Variants in SH3BP5 observed in about 807,000 individuals in gnomAD.
The protein encoded by SH3BP5 is SH3 domain binding protein 5.
SH3BP5 carries 22 observed loss-of-function variants against 43.3 expected under a neutral mutation model. That is an observed-to-expected ratio of 0.51 (90% confidence interval 0.36 to 0.73). The LOEUF is 0.73. SH3BP5 is among the 30% of genes least tolerant of loss of function. SH3BP5 has a pLI of 0.00. For missense variants in SH3BP5, 529 were observed against 586.9 expected (o/e 0.90, Z 1.02); for synonymous variants, 255 against 225.8 (o/e 1.13, Z -1.16).
intron 2 of SH3BP5, among the ~76,000 whole-genome samples, chr3:15,306,200 C>CA (rs71045149): frequency 0.2 from 29,698 of 151,182 alleles, 3,086 homozygotes; most frequent in African/African-American, 0.27. Context: ...ACTAAAAATA[C>CA]AAAAAAAAAT....
intron 3 of SH3BP5, among the ~76,000 whole-genome samples, chr3:15,278,035 G>C (rs1697020366): frequency 1.3e-5 from 2 of 152,222 alleles, no homozygotes; most frequent in Admixed American, 1.3e-4. Flanking sequence ...CCAAATGACA[G>C]GTCGGCCAGC....
At chr3:15,257,990 T>C (rs1696284193) in intron 7 of SH3BP5, 1 of 152,278 alleles carries the variant, frequency 6.6e-6, no homozygotes, top group Non-Finnish European at 1.5e-5. Context: ...CAAGTTACTT[T>C]ACCTCTGTAA....
At chr3:15,296,794 C>A (rs575328115) in intron 3 of SH3BP5, among the ~76,000 whole-genome samples, 1 of 146,674 alleles carries the variant, frequency 6.8e-6, no homozygotes, top group African/African-American at 2.6e-5. Flanking sequence ...CTCAGGCTCA[C>A]GCAATCCTTC....
chr3:15,280,731 T>C (rs1443998442), intron 3 of SH3BP5, among the ~76,000 whole-genome samples: 1 of 152,200 alleles, frequency 6.6e-6, no homozygotes, highest in African/African-American at 2.4e-5. Context: ...TCCACTGCGG[T>C]GGGTTTCCCT....
intron 1 of SH3BP5, 163 bp downstream of exon 1, chr3:15,332,108 G>C (rs1575359959): frequency 8.8e-7 from 1 of 1,142,818 alleles, no homozygotes; most frequent in Non-Finnish European, 1.2e-6. Context: ...CCTCATTGTG[G>C]AGACGATGAA....
chr3:15,332,340 C>G lies in SH3BP5; in HGVS notation c.69G>C (p.Glu23Asp), dbSNP rs1457546116. Reference protein sequence around the residue: ...PAEILPPARDEEEEEEEGMEQ... With the variant: ...PAEILPPARDDEEEEEEGMEQ... ...CCATCCCCTCTTCCTCCTCCTCCTC[C>G]TCGTCCCGGGCAGGCGGCAGGATTT... is the stretch of plus-strand genomic sequence containing the variant. The change falls in exon 1 of 9, where the codon GAG becomes GAC. Residue 23 changes from glutamate (E) to aspartate (D), a missense_variant. By Grantham distance (45) the Glu-to-Asp change is conservative (BLOSUM62 2). Coordinates refer to ENST00000383791, the MANE Select transcript of SH3BP5 (RefSeq NM_004844.5). The G allele has an allele frequency of 1.3e-6, 2 of 1,543,320 alleles. No homozygotes were observed. The highest frequency in any genetic ancestry group is 1.7e-6 in the Non-Finnish European group (2 of 1,148,406).
At chr3:15,334,474 T>C (rs1698677628), upstream of SH3BP5, among the ~76,000 whole-genome samples, 1 of 151,966 alleles carries the variant, frequency 6.6e-6, no homozygotes, top group Non-Finnish European at 1.5e-5. Flanking sequence ...ACACCTGTAA[T>C]CCTAGCATTT....
intron 2 of SH3BP5, among the ~76,000 whole-genome samples, chr3:15,317,067 T>A (rs541017840): frequency 1.6e-4 from 25 of 152,344 alleles, no homozygotes; most frequent in Non-Finnish European, 2.6e-4. Flanking sequence ...AGGCTTCACA[T>A]ATGTCCTCAA....
intron 3 of SH3BP5, among the ~76,000 whole-genome samples, chr3:15,301,003 A>C (rs1214705001): frequency 6.6e-6 from 1 of 152,168 alleles, no homozygotes; most frequent in Non-Finnish European, 1.5e-5. Flanking sequence ...AGAAGGGATG[A>C]AGAGATGGAG....
At chr3:15,286,442 A>G (rs1380126273) in intron 3 of SH3BP5, among the ~76,000 whole-genome samples, 2 of 152,262 alleles carry the variant, frequency 1.3e-5, no homozygotes, top group African/African-American at 4.8e-5. Context: ...AATGGAACTG[A>G]GAATGAAAAA....
intron 3 of SH3BP5, among the ~76,000 whole-genome samples, chr3:15,278,019 C>T (rs1233131932): frequency 1.2e-4 from 18 of 152,198 alleles, no homozygotes; most frequent in Admixed American, 1.2e-3. Context: ...GAAAGAGAAG[C>T]CCCAGCCAAA....
intron 3 of SH3BP5, among the ~76,000 whole-genome samples, chr3:15,272,750 T>G (rs1696852586): frequency 6.6e-6 from 1 of 152,078 alleles, no homozygotes; most frequent in Non-Finnish European, 1.5e-5. Context: ...ATCAAATTTT[T>G]AAAAAGGACT....
chr3:15,265,544 AC>A (rs1696609708), intron 4 of SH3BP5, among the ~76,000 whole-genome samples: 1 of 142,810 alleles, frequency 7.0e-6, no homozygotes, highest in South Asian at 2.2e-4. Context: ...ACACACACAC[AC>A]ACACACACAC....
At chr3:15,274,060 A>G (rs901380597) in intron 3 of SH3BP5, among the ~76,000 whole-genome samples, 2 of 152,134 alleles carry the variant, frequency 1.3e-5, no homozygotes, top group African/African-American at 2.4e-5. Context: ...CCTGCCCAAC[A>G]TGGTGAAACA....
At chr3:15,324,873 AG>A (rs927239980) in intron 2 of SH3BP5, among the ~76,000 whole-genome samples, 2 of 150,888 alleles carry the variant, frequency 1.3e-5, no homozygotes, top group African/African-American at 4.9e-5. Context: ...AAAAAAAAAA[AG>A]TTTTAAGAGA....
chr3:15,280,595 T>C (rs1237903907), intron 3 of SH3BP5, among the ~76,000 whole-genome samples: 2 of 152,140 alleles, frequency 1.3e-5, no homozygotes, highest in African/African-American at 2.4e-5. Flanking sequence ...CCAAGCTGCC[T>C]TCCCTGCCAG....
upstream of SH3BP5, among the ~76,000 whole-genome samples, chr3:15,336,484 T>C (rs1238679470): frequency 6.6e-6 from 1 of 152,178 alleles, no homozygotes; most frequent in Non-Finnish European, 1.5e-5. Context: ...GGAGATCCAT[T>C]AGCCTGATGA....
intron 3 of SH3BP5, among the ~76,000 whole-genome samples, chr3:15,298,763 A>C (rs983066972): frequency 1.3e-5 from 2 of 152,168 alleles, no homozygotes; most frequent in South Asian, 4.1e-4. Flanking sequence ...AATTCATAGA[A>C]ATAGAAAACA....
intron 3 of SH3BP5, among the ~76,000 whole-genome samples, chr3:15,293,795 A>G (rs1575318806): frequency 6.6e-6 from 1 of 152,104 alleles, no homozygotes; most frequent in African/African-American, 2.4e-5. Flanking sequence ...ATCGTCTTGC[A>G]GGCCGGACGC....
Sources: gnomAD v4.1 joint callset for allele counts (sites outside exome capture counted in the v4.1 genomes callset) on GRCh38, gnomAD v4.1.1 for gene constraint, MANE v1.5 for transcripts, NCBI Gene and HGNC (gene_info 2026-07-23, HGNC 2026-07-21) for gene names.